TEX2: variants seen among roughly 807,000 people sequenced by gnomAD.
TEX2 encodes testis-expressed protein 2.
TEX2 carries 53 observed loss-of-function variants against 106.9 expected under a neutral mutation model. The observed-to-expected ratio is 0.50, with a 90% CI of 0.40 to 0.62. The LOEUF (loss-of-function observed/expected upper bound fraction) is 0.62. Ranked by LOEUF, TEX2 falls within the 20% of genes least tolerant of loss-of-function variation. The pLI is 0.00. For missense variants in TEX2, 1,207 were observed against 1,379.0 expected (o/e 0.88, Z 1.98); for synonymous variants, 523 against 534.8 (o/e 0.98, Z 0.30).
At chr17:64,200,067 A>C (rs782243365) in intron 2 of TEX2, among the ~76,000 whole-genome samples, 1 of 152,232 alleles carries the variant, frequency 6.6e-6, no homozygotes, top group Non-Finnish European at 1.5e-5. Flanking sequence ...TCCCTTTTAA[A>C]AGTTAACCTG....
At position 64,263,242 on chromosome 17, in the gene TEX2, G is replaced by C. The variant is rs1269172592; in HGVS notation, c.-100C>G. The stretch of plus-strand genomic sequence containing the variant: ...GGCCGCGCGACTCCGGCTTCGGCTG[G>C]GGCACCGGCCGCGGTCCTGCTGCCC... On this transcript the variant is annotated 5_prime_UTR_variant, in exon 1 of 12. Transcript: ENST00000584379. 2 of 149,928 alleles carry C rather than the reference G, an allele frequency of 1.3e-5. No homozygotes were observed. Among genetic ancestry groups the C allele is most frequent in the Non-Finnish European group, 3.0e-5 (2 of 67,158 alleles). The allele number at this position is 149,928 out of a possible 1,614,324, so 9.3% of individuals were successfully genotyped here. A position where few individuals can be genotyped will look rare whatever the true frequency, so the allele number is the denominator to read the frequency against.
intron 2 of TEX2, among the ~76,000 whole-genome samples, chr17:64,203,129 C>A (rs1219363494): frequency 1.3e-5 from 2 of 152,216 alleles, no homozygotes; most frequent in Admixed American, 1.3e-4. Context: ...ATCAGAAGTT[C>A]AAGGCCAATG....
intron 1 of TEX2, among the ~76,000 whole-genome samples, chr17:64,244,538 T>C (rs2033951776): frequency 6.6e-6 from 1 of 152,168 alleles, no homozygotes. Context: ...CTTTGATGCT[T>C]CAGTACATCA....
chr17:64,179,856 G>A (rs1314357416), intron 5 of TEX2, among the ~76,000 whole-genome samples: 5 of 152,150 alleles, frequency 3.3e-5, no homozygotes, highest in African/African-American at 4.8e-5. Context: ...TAATGGACAT[G>A]GATTATTCTC....
chr17:64,212,261 C>T (rs569616126), intron 2 of TEX2, among the ~76,000 whole-genome samples: 100 of 152,228 alleles, frequency 6.6e-4, no homozygotes, highest in African/African-American at 2.3e-3. Context: ...CAGACTCAGC[C>T]ATTAAAAATG....
At position 64,213,910 on chromosome 17, in the gene TEX2, G is replaced by C; in HGVS notation, c.308C>G (p.Ala103Gly). 1 of 1,614,230 alleles carries C rather than the reference G, an allele frequency of 6.2e-7. No individual in the cohort carries two copies. Among genetic ancestry groups the C allele is most frequent in the Non-Finnish European group, 8.5e-7 (1 of 1,180,040 alleles). The change falls in exon 2 of 12, where the codon GCC becomes GGC. Residue 103 changes from alanine (A) to glycine (G), a missense_variant. Physicochemically the swap from Ala to Gly is moderately conservative, Grantham distance 60. This residue lies in a region of TEX2 where 1,067 missense variants were observed against 1,193.6 expected (regional missense o/e 0.89). Coordinates refer to ENST00000584379, the MANE Select transcript of TEX2 (RefSeq NM_001288732.2). The surrounding 1 kb of genome is among the most constrained non-coding windows in gnomAD (Gnocchi z 4.4). ...VLADGLSVSQ[A>G]PAILPVSKNT... ...CTTGGAGACGGGCAAAATGGCAGGGGCCTGGGACACGGACAGTCCATCTGC... is the reference window on the plus strand; with the variant it reads ...CTTGGAGACGGGCAAAATGGCAGGGCCCTGGGACACGGACAGTCCATCTGC...
intron 10 of TEX2, among the ~76,000 whole-genome samples, chr17:64,151,941 TTCTC>T (rs2030378026): frequency 1.3e-5 from 2 of 152,196 alleles, no homozygotes; most frequent in South Asian, 4.1e-4. Context: ...TTCCCAATCT[TTCTC>T]TTTTTTTTAA....
chr17:64,249,951 C>T (rs1555636760), intron 1 of TEX2, among the ~76,000 whole-genome samples: 1 of 152,212 alleles, frequency 6.6e-6, no homozygotes, highest in East Asian at 1.9e-4. Context: ...CTCACCGTAT[C>T]CCCACAGACA....
In TEX2 at chr17:64,214,014, C is replaced by G. The variant is rs2033111068; in HGVS notation, c.204G>C (p.Gly68=). The G allele has an allele frequency of 6.2e-7, 1 of 1,614,108 alleles. No homozygotes were observed. The highest frequency in any genetic ancestry group is 1.3e-5 in the African/African-American group (1 of 74,940). ...EGLDDQSIVT[G]LEAKEDLYLE... ...GATAGAGGTCTTCCTTGGCTTCCAG[C>G]CCTGTTACAATGCTTTGGTCATCCA... Residue 68 remains glycine, a synonymous_variant, in exon 2 of 12, where the codon GGG becomes GGC. Coordinates refer to ENST00000584379, the MANE Select transcript of TEX2 (RefSeq NM_001288732.2).
At chr17:64,194,133 G>A (rs529997137) in intron 3 of TEX2, among the ~76,000 whole-genome samples, 61 of 152,168 alleles carry the variant, frequency 4.0e-4, no homozygotes, top group East Asian at 1.2e-3. Flanking sequence ...ATAAATATCC[G>A]TAATTTTCAG....
At chr17:64,230,274 A>G (rs1056036811) in intron 1 of TEX2, among the ~76,000 whole-genome samples, 4 of 152,164 alleles carry the variant, frequency 2.6e-5, no homozygotes, top group Admixed American at 2.6e-4. Context: ...TGGGGACCTG[A>G]CAAGGTGCCC....
At chr17:64,251,630 C>T (rs911646782) in intron 1 of TEX2, among the ~76,000 whole-genome samples, 1 of 152,122 alleles carries the variant, frequency 6.6e-6, no homozygotes, top group Non-Finnish European at 1.5e-5. Flanking sequence ...GTCAGGTGGA[C>T]CTGATGAGCA....
rs35266239 is a variant in TEX2 at position 64,227,224 on chromosome 17, C to CAA, written c.-25-12984_-25-12983dup. The stretch of plus-strand genomic sequence containing the variant: ...CTGGTGACAGAGTGAGACTCCGTAT[C>CAA]AAAAAAAAAAAAAAAGAAAATGACA... On this transcript the variant is annotated intron_variant, in intron 1 of 11. Transcript: ENST00000584379. 3.0e-3 allele frequency among the ~76,000 whole-genome samples: 373 copies of CAA among 125,036 alleles called. 1 individual carries two copies. Among genetic ancestry groups the CAA allele is most frequent in the East Asian group, 0.021 (97 of 4,604 alleles). 82.0% of individuals were successfully genotyped at this position (125,036 alleles called of 152,430 possible).
At chr17:64,171,292 C>T (rs745788179) in intron 6 of TEX2, 93 bp from the exon 7 acceptor site, 68 of 1,069,670 alleles carry the variant, frequency 6.4e-5, no homozygotes, top group Non-Finnish European at 9.2e-5. Context: ...GGATGGTGGC[C>T]AAGGTTTTGG....
At chr17:64,158,616 G>A (rs1018639184) in intron 8 of TEX2, among the ~76,000 whole-genome samples, 2 of 152,224 alleles carry the variant, frequency 1.3e-5, no homozygotes, top group Non-Finnish European at 2.9e-5. Flanking sequence ...CCTCATGACT[G>A]AGGAAGTGAA....
At chr17:64,252,708 T>C (rs2034114642) in intron 1 of TEX2, among the ~76,000 whole-genome samples, 1 of 152,210 alleles carries the variant, frequency 6.6e-6, no homozygotes, top group Admixed American at 6.5e-5. Context: ...CCCGAGAATA[T>C]TTAAGCAGCA....
At chr17:64,181,603 C>T (rs1026447395) in intron 5 of TEX2, among the ~76,000 whole-genome samples, 6 of 152,068 alleles carry the variant, frequency 3.9e-5, no homozygotes, top group South Asian at 2.1e-4. Context: ...CTGCAAACTC[C>T]GCCTCCCAGG....
chr17:64,244,809 T>C (rs1555636138), intron 1 of TEX2, among the ~76,000 whole-genome samples: 1 of 152,208 alleles, frequency 6.6e-6, no homozygotes, highest in African/African-American at 2.4e-5. Flanking sequence ...CTTTTTCAAA[T>C]ATGGAAATTT....
At chr17:64,151,142 CTGGATGG>C (rs1201301272) in intron 10 of TEX2, among the ~76,000 whole-genome samples, 181 bp from the exon 11 acceptor site, 1 of 152,108 alleles carries the variant, frequency 6.6e-6, no homozygotes, top group South Asian at 2.1e-4. Flanking sequence ...CCTGTGTTCC[CTGGATGG>C]TGTTAGGGCT....
Sources: gnomAD v4.1 joint callset for allele counts (sites outside exome capture counted in the v4.1 genomes callset) on GRCh38, gnomAD v4.1.1 for gene constraint, gnomAD v4.1.1 regional missense constraint, Gnocchi (gnomAD v3.1) non-coding constraint, MANE v1.5 for transcripts, NCBI Gene and HGNC (gene_info 2026-07-23, HGNC 2026-07-21) for gene names.